VPS13B: variants seen among roughly 807,000 people sequenced by gnomAD.
VPS13B encodes vacuolar protein sorting 13 homolog B, also known as intermembrane lipid transfer protein VPS13B.
VPS13B carries 285 observed loss-of-function variants against 426.4 expected under a neutral mutation model. That is an observed-to-expected ratio of 0.67 (90% CI 0.61 to 0.74). The LOEUF (loss-of-function observed/expected upper bound fraction) is 0.74, where lower values mean the gene tolerates loss of function less well. Ranked by LOEUF, VPS13B falls within the 30% of genes least tolerant of loss-of-function variation. The pLI, the probability that VPS13B is intolerant of heterozygous loss-of-function variation, is 0.00. For synonymous variants in VPS13B, 1,676 were observed against 1,676.4 expected (o/e 1.00, Z 0.01); for missense variants, 4,537 against 4,782.6 (o/e 0.95, Z 1.51).
At chr8:99,679,623 A>G (rs1831075386) in intron 35 of VPS13B, among the ~76,000 whole-genome samples, 1 of 152,172 alleles carries the variant, frequency 6.6e-6, no homozygotes, top group Non-Finnish European at 1.5e-5. Flanking sequence ...GAGCTTCCTC[A>G]TAGCACATAA....
chr8:99,169,452 T>C (rs574647379), intron 15 of VPS13B, among the ~76,000 whole-genome samples: 1 of 152,130 alleles, frequency 6.6e-6, no homozygotes, highest in South Asian at 2.1e-4. Context: ...TGCTTGTACA[T>C]ATGAAGAGTA....
intron 33 of VPS13B, among the ~76,000 whole-genome samples, chr8:99,620,079 G>A (rs886674185): frequency 2.6e-5 from 4 of 151,774 alleles, no homozygotes; most frequent in Non-Finnish European, 5.9e-5. Context: ...AAAATTAGTA[G>A]ACAAGAAACT....
intron 28 of VPS13B, among the ~76,000 whole-genome samples, chr8:99,508,273 C>T (rs1241334482): frequency 6.6e-6 from 1 of 151,978 alleles, no homozygotes; most frequent in Non-Finnish European, 1.5e-5. Flanking sequence ...TATTATTATG[C>T]CATTGTTTTC....
chr8:99,234,552 G>C (rs1465893786), intron 17 of VPS13B: 1 of 444,092 alleles, frequency 2.3e-6, no homozygotes, highest in Admixed American at 2.7e-5. Flanking sequence ...GCTGGGGTTC[G>C]GGGGCCGCGT....
In VPS13B at chr8:99,556,022, A is replaced by C. The variant is rs147200449; in HGVS notation, c.4746-428A>C. Among the ~76,000 whole-genome samples, 788 of 152,268 alleles carry C rather than the reference A, an allele frequency of 5.2e-3. 4 individuals are homozygous for C. Among genetic ancestry groups the C allele is most frequent in the Non-Finnish European group, 9.4e-3 (638 of 68,000 alleles). Reference sequence around the variant, plus strand: ...GGGTTTTGAGTAAAAAACAAAAAACAAACAAACAAAAAACCCTGTATTTGT... The same window carrying C: ...GGGTTTTGAGTAAAAAACAAAAAACCAACAAACAAAAAACCCTGTATTTGT... On this transcript the variant is annotated intron_variant, in intron 30 of 61. Transcript: ENST00000357162.
At chr8:99,180,074 C>G (rs1269221481) in intron 16 of VPS13B, among the ~76,000 whole-genome samples, 4 of 152,088 alleles carry the variant, frequency 2.6e-5, no homozygotes, top group Non-Finnish European at 4.4e-5. Context: ...CACACTTCAT[C>G]TCCTTTTTTT....
In VPS13B at chr8:99,189,600, G is replaced by A. The variant is rs933508561; in HGVS notation, c.2334-3276G>A. ...CTATTTGTTTTCCTCTTTTCTTTAGGAACACTGATTATGTATATTTTATAT... is the reference window on the plus strand; with the variant it reads ...CTATTTGTTTTCCTCTTTTCTTTAGAAACACTGATTATGTATATTTTATAT... On this transcript the variant is annotated intron_variant, in intron 16 of 61. Coordinates refer to ENST00000357162, the MANE Select transcript of VPS13B (RefSeq NM_152564.5). 6.6e-5 allele frequency among the ~76,000 whole-genome samples: 10 copies of A among 151,818 alleles called. No homozygotes were observed. The East Asian group carries it at 1.6e-3, about 24-fold the overall frequency.
intron 3 of VPS13B, among the ~76,000 whole-genome samples, chr8:99,083,532 G>A (rs1295441046): frequency 6.7e-6 from 1 of 148,414 alleles, no homozygotes; most frequent in Non-Finnish European, 1.5e-5. Flanking sequence ...CCTGTCTTGT[G>A]CCAGTTTTCA....
chr8:99,155,037 A>G (rs767018329), intron 14 of VPS13B, among the ~76,000 whole-genome samples: 1 of 152,068 alleles, frequency 6.6e-6, no homozygotes, highest in Non-Finnish European at 1.5e-5. Context: ...GAAAAAGACA[A>G]AAAGGTGGAA....
chr8:99,424,880 G>A (rs555095795), intron 21 of VPS13B, among the ~76,000 whole-genome samples: 1 of 152,028 alleles, frequency 6.6e-6, no homozygotes, highest in East Asian at 1.9e-4. Context: ...ATGACAAAGG[G>A]GTATCACCAC....
chr8:99,519,754 G>A lies in VPS13B; in HGVS notation c.4634-1145G>A, dbSNP rs553622990. ...CTCGTAGGTGGGAATTGAACAATGA[G>A]AACACATGGACACAGGAAGGGGAAC... On this transcript the variant is annotated intron_variant, in intron 29 of 61. Transcript: ENST00000357162. 4.5e-4 allele frequency among the ~76,000 whole-genome samples: 65 copies of A among 145,066 alleles called. No homozygotes were observed. In the Middle Eastern group the frequency reaches 0.01, roughly 23 times the overall value.
At chr8:99,413,568 A>G (rs1447390429) in intron 21 of VPS13B, among the ~76,000 whole-genome samples, 1 of 152,130 alleles carries the variant, frequency 6.6e-6, no homozygotes, top group Non-Finnish European at 1.5e-5. Context: ...GTGGGCATTT[A>G]GTGCTATAAA....
chr8:99,538,824 G>A (rs1823399798), intron 30 of VPS13B, among the ~76,000 whole-genome samples: 1 of 152,048 alleles, frequency 6.6e-6, no homozygotes, highest in African/African-American at 2.4e-5. Flanking sequence ...AAGCTGCACT[G>A]GTGACAAAAT....
At chr8:99,644,603 A>G (rs1469030563) in intron 34 of VPS13B, among the ~76,000 whole-genome samples, 1 of 148,858 alleles carries the variant, frequency 6.7e-6, no homozygotes, top group African/African-American at 2.5e-5. Flanking sequence ...AAAGGCTCAC[A>G]TACTTTCTAA....
At chr8:99,685,399 T>A (rs76322256) in intron 35 of VPS13B, among the ~76,000 whole-genome samples, 3,805 of 152,348 alleles carry the variant, frequency 0.025, 165 homozygotes, top group African/African-American at 0.087. Flanking sequence ...TTAGTTGGCC[T>A]GGGTTCTAAT....
intron 54 of VPS13B, among the ~76,000 whole-genome samples, chr8:99,846,864 A>G (rs1431918952): frequency 6.6e-6 from 1 of 152,210 alleles, no homozygotes; most frequent in Non-Finnish European, 1.5e-5. Flanking sequence ...CTCTATTCGC[A>G]TCCCCTCCCT....
intron 33 of VPS13B, among the ~76,000 whole-genome samples, chr8:99,634,232 T>C (rs1828981474): frequency 6.6e-6 from 1 of 151,998 alleles, no homozygotes; most frequent in Non-Finnish European, 1.5e-5. Flanking sequence ...TTTTTTTTAG[T>C]TTATCATATT....
chr8:99,267,117 G>A (rs1818348252), intron 17 of VPS13B, among the ~76,000 whole-genome samples: 2 of 152,202 alleles, frequency 1.3e-5, no homozygotes, highest in Admixed American at 6.5e-5. Flanking sequence ...AGGAAGATCT[G>A]GGAAAGTTTG....
chr8:99,697,600 T>A, intron 35 of VPS13B: 1 of 649,890 alleles, frequency 1.5e-6, no homozygotes, highest in East Asian at 2.7e-5. Flanking sequence ...CAAAGACTGG[T>A]AGGTGAAGAA....
Sources: allele counts gnomAD v4.1 joint callset (sites outside exome capture counted in the v4.1 genomes callset), GRCh38; gene constraint gnomAD v4.1.1; transcripts MANE v1.5; gene names NCBI Gene and HGNC (gene_info 2026-07-23, HGNC 2026-07-21).